PRPF3: variants seen among roughly 807,000 people sequenced by gnomAD.
PRPF3 encodes pre-mRNA processing factor 3.
A neutral mutation model predicts 89.2 loss-of-function variants in PRPF3; 3 were observed. That is an observed-to-expected ratio of 0.03 (90% CI 0.02 to 0.09). The LOEUF (loss-of-function observed/expected upper bound fraction) is 0.09. Among genes scored for constraint, PRPF3 ranks in the 10% least tolerant of loss-of-function variants. PRPF3 has a pLI of 1.00. For synonymous variants in PRPF3, 270 were observed against 289.1 expected (o/e 0.93, Z 0.67); for missense variants, 463 against 828.8 (o/e 0.56, Z 5.42).
intron 14 of PRPF3, among the ~76,000 whole-genome samples, chr1:150,346,784 G>A (rs1365459633): frequency 6.6e-6 from 1 of 152,134 alleles, no homozygotes; most frequent in Non-Finnish European, 1.5e-5. Flanking sequence ...AATTTATTCA[G>A]TATTTGAAAA....
At chr1:150,335,852 T>C (rs587597522) in intron 7 of PRPF3, among the ~76,000 whole-genome samples, 2 of 148,784 alleles carry the variant, frequency 1.3e-5, no homozygotes, top group East Asian at 2.0e-4. Flanking sequence ...CACTGCAACC[T>C]CTGCCTCCTG....
chr1:150,341,105 CAAAAA>C (rs71086503), intron 9 of PRPF3, among the ~76,000 whole-genome samples: 4 of 86,724 alleles, frequency 4.6e-5, no homozygotes, highest in Admixed American at 1.5e-4. Context: ...GACCTTGTCT[CAAAAA>C]AAAAAAAAAA....
intron 14 of PRPF3, among the ~76,000 whole-genome samples, chr1:150,347,096 A>G (rs1553873114): frequency 6.6e-6 from 1 of 152,100 alleles, no homozygotes; most frequent in Non-Finnish European, 1.5e-5. Context: ...TGTCTCAAAA[A>G]AAAGAAAAAG....
intron 6 of PRPF3, among the ~76,000 whole-genome samples, chr1:150,333,428 G>A (rs1184356937): frequency 9.2e-5 from 14 of 152,032 alleles, no homozygotes; most frequent in Admixed American, 3.3e-4. Context: ...TTAGCCAGGC[G>A]TGGTGGTGCA....
intron 4 of PRPF3, chr1:150,330,192 C>T (rs1344953699): frequency 1.3e-5 from 2 of 151,774 alleles, no homozygotes; most frequent in African/African-American, 2.4e-5. Context: ...GTAGCTGGGA[C>T]TACAGGTCAC....
chr1:150,327,357 C>T (rs782284228), intron 3 of PRPF3, among the ~76,000 whole-genome samples: 4 of 152,068 alleles, frequency 2.6e-5, no homozygotes, highest in Non-Finnish European at 5.9e-5. Context: ...TGAGCCACTG[C>T]GCCTGGCCAG....
chr1:150,333,813 G>A (rs1381455913), intron 6 of PRPF3, among the ~76,000 whole-genome samples: 1 of 152,140 alleles, frequency 6.6e-6, no homozygotes, highest in Non-Finnish European at 1.5e-5. Context: ...ACCACATTGT[G>A]TGAGACTAGA....
intron 11 of PRPF3, 80 bp from the exon 12 acceptor site, chr1:150,344,354 C>T (rs1361617737): frequency 4.3e-6 from 7 of 1,613,814 alleles, no homozygotes; most frequent in Non-Finnish European, 5.1e-6. Context: ...GAGAGTTCTC[C>T]GTTGCTCTCT....
chr1:150,325,917 T>G, intron 3 of PRPF3, 36 bp downstream of exon 3: 1 of 1,606,946 alleles, frequency 6.2e-7, no homozygotes, highest in Non-Finnish European at 8.5e-7. Context: ...AGCTCAGGAC[T>G]GTTTTGAATG....
chr1:150,339,684 C>T (rs1389375650), intron 8 of PRPF3, among the ~76,000 whole-genome samples: 3 of 150,392 alleles, frequency 2.0e-5, no homozygotes, highest in East Asian at 2.0e-4. Flanking sequence ...GTGATCCACC[C>T]GCCTCAGCCT....
At chr1:150,322,921 C>G (rs1553862548) in intron 1 of PRPF3, among the ~76,000 whole-genome samples, 1 of 151,072 alleles carries the variant, frequency 6.6e-6, no homozygotes, top group African/African-American at 2.4e-5. Context: ...GTCGCCCAGG[C>G]TGGAGTGCAG....
At chr1:150,342,505 TAC>T (rs147409085) in intron 9 of PRPF3, among the ~76,000 whole-genome samples, 21,445 of 150,848 alleles carry the variant, frequency 0.14, 2,177 homozygotes, top group African/African-American at 0.28. Flanking sequence ...TTAAAGTTTA[TAC>T]ACACACACAC....
intron 4 of PRPF3, among the ~76,000 whole-genome samples, chr1:150,330,852 G>T (rs972592305): frequency 6.6e-6 from 1 of 151,648 alleles, no homozygotes; most frequent in Non-Finnish European, 1.5e-5. Flanking sequence ...GAGTAGCTGG[G>T]ATTACAGGCA....
chr1:150,332,569 G>A, intron 4 of PRPF3, 115 bp from the exon 5 acceptor site: 1 of 998,346 alleles, frequency 1.0e-6, no homozygotes, highest in East Asian at 2.5e-5. Context: ...ATGTGGTATA[G>A]TCATTCAAAA....
intron 8 of PRPF3, among the ~76,000 whole-genome samples, chr1:150,339,757 T>A (rs1657488292): frequency 6.7e-6 from 1 of 150,178 alleles, no homozygotes; most frequent in Non-Finnish European, 1.5e-5. Context: ...TTTTTTTTTT[T>A]TTTTAAGACA....
Position 150,327,681 on chromosome 1 carries a change from C to T in PRPF3, c.277-639C>T, listed in dbSNP as rs587707698. Reference sequence around the variant, plus strand: ...TGTACATTTGCTTTTTCCCATTGTCCCTTCCAGTTGGCCACTCTCGGTCCT... The same window carrying T: ...TGTACATTTGCTTTTTCCCATTGTCTCTTCCAGTTGGCCACTCTCGGTCCT... On this transcript the variant is annotated intron_variant, in intron 3 of 15. Coordinates refer to ENST00000324862, the MANE Select transcript of PRPF3 (RefSeq NM_004698.4). 2.0e-5 allele frequency: 19 copies of T among 961,318 alleles called. No homozygotes were observed. The South Asian group carries it at 6.7e-4, about 34-fold the overall frequency. 59.5% of individuals were successfully genotyped at this position (961,318 alleles called of 1,614,324 possible).
intron 4 of PRPF3, chr1:150,330,155 A>G (rs1553864986): frequency 6.8e-6 from 1 of 146,218 alleles, no homozygotes; most frequent in African/African-American, 2.5e-5. Context: ...CCCGGGCTTG[A>G]GTGATCCTCC....
chr1:150,351,822 A>G (rs1005452587), intron 15 of PRPF3, among the ~76,000 whole-genome samples: 1 of 151,596 alleles, frequency 6.6e-6, no homozygotes, highest in East Asian at 1.9e-4. Context: ...ACCTTCACAT[A>G]TCTCAGCACC....
At chr1:150,322,815 G>A (rs1655205040) in intron 1 of PRPF3, among the ~76,000 whole-genome samples, 3 of 151,772 alleles carry the variant, frequency 2.0e-5, no homozygotes, top group Non-Finnish European at 1.5e-5. Flanking sequence ...AAGTGGCACT[G>A]CTGGGAATAG....
Sources: gnomAD v4.1 joint callset for allele counts (sites outside exome capture counted in the v4.1 genomes callset) on GRCh38, gnomAD v4.1.1 for gene constraint, MANE v1.5 for transcripts, NCBI Gene and HGNC (gene_info 2026-07-23, HGNC 2026-07-21) for gene names.